Variants in FSIP1 observed in about 807,000 individuals in gnomAD.
FSIP1 encodes fibrous sheath interacting protein 1, also known as fibrous sheath-interacting protein 1.
A neutral mutation model predicts 60.9 loss-of-function variants in FSIP1; 65 were observed. The observed-to-expected ratio is 1.07, with a 90% CI of 0.87 to 1.31. FSIP1 has a LOEUF of 1.31. Among genes scored for constraint, FSIP1 ranks in the 40% most tolerant of loss-of-function variants. FSIP1 has a pLI of 0.00. For missense variants in FSIP1, 675 were observed against 665.5 expected (o/e 1.01, Z -0.16); for synonymous variants, 209 against 221.2 (o/e 0.94, Z 0.49).
chr15:39,737,036 A>G (rs111806593), intron 8 of FSIP1, among the ~76,000 whole-genome samples: 2,987 of 152,182 alleles, frequency 0.02, 113 homozygotes, highest in African/African-American at 0.068. Context: ...GGGAAAGGGG[A>G]TATGGGCAGG....
chr15:39,769,720 C>T (rs770852948), intron 3 of FSIP1, among the ~76,000 whole-genome samples: 1 of 152,176 alleles, frequency 6.6e-6, no homozygotes, highest in Non-Finnish European at 1.5e-5. Context: ...GTGACACTGG[C>T]TATGTCTTTT....
In FSIP1 at chr15:39,617,829, G is replaced by A; in HGVS notation, c.1605C>T (p.Pro535=). The change falls in exon 11 of 12, where the codon CCC becomes CCT. Residue 535 remains proline (P), a synonymous_variant. Transcript: ENST00000350221. ...CATACAGTGGATCATCTAAGAAGGA[G>A]GGCCTTTTCAGTCTCCCAATGCCAA... ...KTLGIGRLKR[P]SFLDDPLYGI... 6.2e-7 allele frequency: 1 copy of A among 1,614,048 alleles called. No individual in the cohort carries two copies. The highest frequency in any genetic ancestry group is 8.5e-7 in the Non-Finnish European group (1 of 1,179,958).
chr15:39,727,595 T>G (rs1392940590), intron 8 of FSIP1, among the ~76,000 whole-genome samples: 1 of 152,200 alleles, frequency 6.6e-6, no homozygotes, highest in African/African-American at 2.4e-5. Flanking sequence ...ATGGCTGAAC[T>G]AAGGAATGTT....
chr15:39,670,164 C>G (rs1047753425), intron 10 of FSIP1, among the ~76,000 whole-genome samples: 1 of 152,184 alleles, frequency 6.6e-6, no homozygotes, highest in Non-Finnish European at 1.5e-5. Context: ...TTCTAAACCC[C>G]TAAATAATAT....
chr15:39,706,191 T>C (rs865951720), intron 10 of FSIP1, among the ~76,000 whole-genome samples: 39 of 152,294 alleles, frequency 2.6e-4, no homozygotes, highest in Middle Eastern at 3.4e-3. Context: ...GCATTATTAC[T>C]TTGAAAATAT....
intron 10 of FSIP1, among the ~76,000 whole-genome samples, chr15:39,634,018 C>T (rs1892021343): frequency 6.6e-6 from 1 of 152,138 alleles, no homozygotes; most frequent in Admixed American, 6.5e-5. Context: ...ACCCAGTGCC[C>T]CACCATCCCT....
At chr15:39,748,557 C>A (rs1009628023) in intron 5 of FSIP1, among the ~76,000 whole-genome samples, 4 of 152,140 alleles carry the variant, frequency 2.6e-5, no homozygotes, top group African/African-American at 7.2e-5. Context: ...TTCTCCCCTG[C>A]AGCACATCCT....
At chr15:39,713,377 G>A in intron 10 of FSIP1, 67 bp downstream of exon 10, 1 of 1,448,344 alleles carries the variant, frequency 6.9e-7, no homozygotes, top group Non-Finnish European at 9.3e-7. Context: ...GACCAGCCTG[G>A]GCAACATAGT....
intron 10 of FSIP1, among the ~76,000 whole-genome samples, chr15:39,671,253 A>G (rs1893708260): frequency 1.3e-5 from 2 of 152,200 alleles, no homozygotes; most frequent in Non-Finnish European, 2.9e-5. Flanking sequence ...GGTGTTCCAG[A>G]GAAGAAAATA....
chr15:39,617,300 A>C (rs993321840), intron 11 of FSIP1, among the ~76,000 whole-genome samples: 8 of 152,236 alleles, frequency 5.3e-5, no homozygotes, highest in Admixed American at 3.3e-4. Flanking sequence ...GGAGTGGCTC[A>C]GGAGAGGAGG....
Position 39,600,823 on chromosome 15 carries a change from A to C in FSIP1, c.*57T>G. The C allele has an allele frequency of 7.3e-7, 1 of 1,371,370 alleles. No individual in the cohort carries two copies. The highest frequency in any genetic ancestry group is 1.0e-6 in the Non-Finnish European group (1 of 979,336). 85.0% of individuals were successfully genotyped at this position (1,371,370 alleles called of 1,614,324 possible). A position where few individuals can be genotyped will look rare whatever the true frequency, so the allele number is the denominator to read the frequency against. On this transcript the variant is annotated 3_prime_UTR_variant, in exon 12 of 12. Transcript: ENST00000350221. Reference sequence around the variant, plus strand: ...CATTGAATTCAAATAATTCAATAAGAAATTTAATTTAACTTCATTACCAAC... The same window carrying C: ...CATTGAATTCAAATAATTCAATAAGCAATTTAATTTAACTTCATTACCAAC...
chr15:39,603,515 T>A (rs1298174091), intron 11 of FSIP1, among the ~76,000 whole-genome samples: 1 of 152,238 alleles, frequency 6.6e-6, no homozygotes, highest in Non-Finnish European at 1.5e-5. Flanking sequence ...GTAGAGAGAC[T>A]GGGCAATCAA....
intron 5 of FSIP1, among the ~76,000 whole-genome samples, chr15:39,745,981 A>G (rs937038445): frequency 6.6e-6 from 1 of 152,126 alleles, no homozygotes; most frequent in African/African-American, 2.4e-5. Flanking sequence ...CAGGAGGCTG[A>G]GGTGGGAGGA....
intron 10 of FSIP1, among the ~76,000 whole-genome samples, chr15:39,687,663 G>A (rs1232826768): frequency 1.3e-5 from 2 of 152,166 alleles, no homozygotes; most frequent in African/African-American, 2.4e-5. Flanking sequence ...AGTTTGTCAA[G>A]AAAGAAGACC....
intron 8 of FSIP1, among the ~76,000 whole-genome samples, chr15:39,736,740 C>T (rs150899831): frequency 3.0e-4 from 46 of 152,312 alleles, no homozygotes; most frequent in African/African-American, 9.1e-4. Flanking sequence ...AAGTAATTCA[C>T]TGGGAGAGTG....
chr15:39,624,246 T>C (rs946578825), intron 10 of FSIP1, among the ~76,000 whole-genome samples: 42 of 152,196 alleles, frequency 2.8e-4, no homozygotes, highest in African/African-American at 9.6e-4. Flanking sequence ...ATAATTACTA[T>C]GAAGTACGTA....
chr15:39,614,663 A>T lies in FSIP1; in HGVS notation c.1699+3072T>A, dbSNP rs535433189. ...CCATCTCAAAAAAAAAAAAAAAAAA[A>T]GAAGATGTACCATATTCATGGACTG... On this transcript the variant is annotated intron_variant, in intron 11 of 11. Coordinates refer to ENST00000350221, the MANE Select transcript of FSIP1 (RefSeq NM_152597.5). Among the ~76,000 whole-genome samples, 793 of 150,602 alleles carry T rather than the reference A, an allele frequency of 5.3e-3. 10 individuals are homozygous for T. The highest frequency in any genetic ancestry group is 0.018 in the African/African-American group (737 of 40,842).
chr15:39,624,554 G>C (rs1471623004), intron 10 of FSIP1, among the ~76,000 whole-genome samples: 1 of 152,124 alleles, frequency 6.6e-6, no homozygotes, highest in Non-Finnish European at 1.5e-5. Context: ...AAAAATAATT[G>C]GTGTTCATTT....
intron 5 of FSIP1, among the ~76,000 whole-genome samples, chr15:39,751,034 C>T (rs1897146184): frequency 1.3e-5 from 2 of 151,816 alleles, no homozygotes. Flanking sequence ...TGCTCAACAT[C>T]ACTAATCATC....
Sources: gnomAD v4.1 joint callset for allele counts (sites outside exome capture counted in the v4.1 genomes callset) on GRCh38, gnomAD v4.1.1 for gene constraint, MANE v1.5 for transcripts, NCBI Gene and HGNC (gene_info 2026-07-23, HGNC 2026-07-21) for gene names.